The following CLSTN2 variants were observed in gnomAD, a reference collection of about 807,000 sequenced individuals.
The protein encoded by CLSTN2 is calsyntenin 2.
Under a neutral mutation model 101.2 loss-of-function variants are expected in CLSTN2, and 48 were observed. The ratio of observed to expected loss-of-function variants is 0.47; its 90% CI spans 0.38 to 0.60. The LOEUF (loss-of-function observed/expected upper bound fraction) is 0.60. Ranked by LOEUF, CLSTN2 falls within the 20% of genes least tolerant of loss-of-function variation. The pLI, the probability that CLSTN2 is intolerant of heterozygous loss-of-function variation, is 0.00. For missense variants in CLSTN2, 1,160 were observed against 1,238.2 expected, an observed-to-expected ratio of 0.94 and a Z score of 0.95; for synonymous variants, 481 against 463.6, an observed-to-expected ratio of 1.04 and a Z score of -0.48.
chr3:140,239,207 A>G (rs1432302792), intron 2 of CLSTN2, among the ~76,000 whole-genome samples: 2 of 151,896 alleles, frequency 1.3e-5, no homozygotes, highest in Non-Finnish European at 2.9e-5. Context: ...AAATGAGTTA[A>G]CTCCACAATT....
chr3:140,050,843 T>C (rs1322667407), intron 1 of CLSTN2, among the ~76,000 whole-genome samples: 1 of 152,144 alleles, frequency 6.6e-6, no homozygotes, highest in Admixed American at 6.5e-5. Context: ...AAAGAAGATA[T>C]TCTACAGGGT....
intron 4 of CLSTN2, among the ~76,000 whole-genome samples, chr3:140,405,104 C>T (rs2088288111): frequency 6.6e-6 from 1 of 152,168 alleles, no homozygotes; most frequent in Non-Finnish European, 1.5e-5. Flanking sequence ...ATGCCATCAG[C>T]TTGGCCATAT....
At chr3:140,234,279 C>T (rs536026947) in intron 2 of CLSTN2, among the ~76,000 whole-genome samples, 16 of 152,322 alleles carry the variant, frequency 1.1e-4, no homozygotes, top group African/African-American at 3.8e-4. Context: ...CCACTGCTTG[C>T]AAGTGATGCT....
chr3:140,059,016 G>A (rs144675002), intron 1 of CLSTN2, among the ~76,000 whole-genome samples: 6 of 150,434 alleles, frequency 4.0e-5, no homozygotes, highest in Admixed American at 2.6e-4. Context: ...ATTAGCAGAA[G>A]TTAGGCATGT....
chr3:140,454,577 A>AT (rs1378196021), intron 6 of CLSTN2: 1 of 152,250 alleles, frequency 6.6e-6, no homozygotes, highest in African/African-American at 2.4e-5. Flanking sequence ...CAGTCGGGGT[A>AT]AGACAGGTTA....
intron 1 of CLSTN2, among the ~76,000 whole-genome samples, chr3:140,130,845 A>G (rs2009511088): frequency 1.3e-5 from 2 of 152,100 alleles, no homozygotes; most frequent in Non-Finnish European, 2.9e-5. Flanking sequence ...TTTGTAACCC[A>G]ATTCAGAGCA....
intron 1 of CLSTN2, among the ~76,000 whole-genome samples, chr3:140,172,445 G>A (rs2010253895): frequency 6.6e-6 from 1 of 152,070 alleles, no homozygotes. Context: ...GGAAGGATTT[G>A]GCAAGAACTG....
chr3:140,070,875 G>A (rs781339885), intron 1 of CLSTN2, among the ~76,000 whole-genome samples: 2 of 152,102 alleles, frequency 1.3e-5, no homozygotes, highest in Non-Finnish European at 2.9e-5. Context: ...AGGCAGAGTT[G>A]AGTAGTTACT....
intron 8 of CLSTN2, among the ~76,000 whole-genome samples, chr3:140,478,967 T>C (rs953062960): frequency 6.6e-6 from 1 of 151,832 alleles, no homozygotes; most frequent in Admixed American, 6.6e-5. Context: ...AATGCCAGAG[T>C]TGCCAGAAAT....
At chr3:140,391,785 A>G (rs1229521271) in intron 2 of CLSTN2, among the ~76,000 whole-genome samples, 1 of 152,132 alleles carries the variant, frequency 6.6e-6, no homozygotes, top group Non-Finnish European at 1.5e-5. Context: ...CAGTACATAC[A>G]TCTGGATTTC....
intron 2 of CLSTN2, among the ~76,000 whole-genome samples, chr3:140,178,359 G>C (rs1465674065): frequency 6.6e-6 from 1 of 152,148 alleles, no homozygotes. Flanking sequence ...CTCACAAAAG[G>C]ATTTCCTTAA....
intron 1 of CLSTN2, among the ~76,000 whole-genome samples, chr3:140,133,477 A>G (rs1170288327): frequency 1.3e-5 from 2 of 152,184 alleles, no homozygotes; most frequent in Non-Finnish European, 2.9e-5. Flanking sequence ...GTTTGTACCT[A>G]AGGTGTCTCC....
At chr3:140,524,198 C>G (rs919960852) in intron 8 of CLSTN2, among the ~76,000 whole-genome samples, 11 of 152,174 alleles carry the variant, frequency 7.2e-5, no homozygotes, top group Admixed American at 4.6e-4. Flanking sequence ...TAGGCTGTAG[C>G]ATGGGAAACA....
intron 2 of CLSTN2, among the ~76,000 whole-genome samples, chr3:140,315,779 A>G (rs1037676391): frequency 6.6e-6 from 1 of 152,226 alleles, no homozygotes; most frequent in Non-Finnish European, 1.5e-5. Context: ...CAGAGCTGGT[A>G]TCTTTTAACA....
At chr3:140,228,367 C>A (rs1333286708) in intron 2 of CLSTN2, among the ~76,000 whole-genome samples, 3 of 152,218 alleles carry the variant, frequency 2.0e-5, no homozygotes, top group Non-Finnish European at 4.4e-5. Context: ...AGCTCCTCAT[C>A]TCCATCTGAG....
intron 1 of CLSTN2, among the ~76,000 whole-genome samples, chr3:140,082,291 TG>T (rs2008611476): frequency 6.6e-6 from 1 of 152,116 alleles, no homozygotes; most frequent in African/African-American, 2.4e-5. Context: ...TCCTATTCCT[TG>T]AATATAGAGG....
At chr3:140,540,189 C>T (rs913397624) in intron 9 of CLSTN2, among the ~76,000 whole-genome samples, 2 of 152,168 alleles carry the variant, frequency 1.3e-5, no homozygotes, top group Non-Finnish European at 2.9e-5. Flanking sequence ...TTCTCAACCC[C>T]AGAGAGCTGA....
intron 2 of CLSTN2, among the ~76,000 whole-genome samples, chr3:140,274,869 CT>C (rs1369111920): frequency 2.6e-5 from 4 of 152,290 alleles, no homozygotes; most frequent in African/African-American, 9.6e-5. Context: ...ATTCCAGACA[CT>C]TTGCTTCTGT....
intron 8 of CLSTN2, among the ~76,000 whole-genome samples, chr3:140,476,895 G>C (rs181306474): frequency 6.6e-6 from 1 of 151,990 alleles, no homozygotes; most frequent in Non-Finnish European, 1.5e-5. Context: ...TCCTGACCTC[G>C]TGATCCACCC....
Sources: gnomAD v4.1 joint callset for allele counts (sites outside exome capture counted in the v4.1 genomes callset) on GRCh38, gnomAD v4.1.1 for gene constraint, MANE v1.5 for transcripts, NCBI Gene and HGNC (gene_info 2026-07-23, HGNC 2026-07-21) for gene names.